The following PIK3C2G variants were observed in gnomAD, a reference collection of about 807,000 sequenced individuals.
The protein encoded by PIK3C2G is phosphatidylinositol-4-phosphate 3-kinase catalytic subunit type 2 gamma.
Under a neutral mutation model 181.1 loss-of-function variants are expected in PIK3C2G, and 168 were observed. The observed-to-expected ratio is 0.93, with a 90% CI of 0.82 to 1.05. PIK3C2G has a LOEUF of 1.05. PIK3C2G is among the 50% of genes least tolerant of loss of function. The pLI, the probability that PIK3C2G is intolerant of heterozygous loss-of-function variation, is 0.00. For synonymous variants in PIK3C2G, 573 were observed against 592.2 expected, an observed-to-expected ratio of 0.97 and a Z score of 0.47; for missense variants, 1,869 against 1,732.8, an observed-to-expected ratio of 1.08 and a Z score of -1.40.
intron 18 of PIK3C2G, among the ~76,000 whole-genome samples, chr12:18,473,333 A>G (rs1365585053): frequency 1.3e-5 from 2 of 152,184 alleles, no homozygotes; most frequent in African/African-American, 4.8e-5. Context: ...ACACTGAAAA[A>G]TAATTATCCT....
chr12:18,650,474 C>T (rs1266175098), downstream of PIK3C2G, among the ~76,000 whole-genome samples: 1 of 148,828 alleles, frequency 6.7e-6, no homozygotes, highest in South Asian at 2.1e-4. Flanking sequence ...AATGTAAACA[C>T]TTGCTAATTA....
chr12:18,712,814 C>G, the PIK3C2G span: 1 of 1,609,598 alleles, frequency 6.2e-7, no homozygotes, highest in East Asian at 2.2e-5. Context: ...GTTTAAATAG[C>G]TACAGTTGAA....
At chr12:18,593,377 G>A (rs1947188787) in intron 29 of PIK3C2G, among the ~76,000 whole-genome samples, 1 of 151,842 alleles carries the variant, frequency 6.6e-6, no homozygotes, top group African/African-American at 2.4e-5. Context: ...ATGGCAGGAA[G>A]TTTAGGAATT....
chr12:18,295,962 A>C (rs936635879), intron 5 of PIK3C2G, among the ~76,000 whole-genome samples: 4 of 152,140 alleles, frequency 2.6e-5, no homozygotes, highest in Non-Finnish European at 4.4e-5. Flanking sequence ...TACAGAGAAC[A>C]CAGGTAGCAT....
intron 12 of PIK3C2G, among the ~76,000 whole-genome samples, chr12:18,367,400 T>C (rs907859551): frequency 6.6e-6 from 1 of 152,188 alleles, no homozygotes; most frequent in Non-Finnish European, 1.5e-5. Context: ...TATTTTAATC[T>C]AAAATTTGAC....
At chr12:18,488,376 T>G in intron 18 of PIK3C2G, 73 bp from the exon 19 acceptor site, 1 of 1,005,222 alleles carries the variant, frequency 9.9e-7, no homozygotes, top group Non-Finnish European at 1.4e-6. Flanking sequence ...GAAATGCACT[T>G]ACTGTTCCGG....
intron 26 of PIK3C2G, among the ~76,000 whole-genome samples, chr12:18,562,171 CA>C (rs1323820922): frequency 6.6e-6 from 1 of 152,180 alleles, no homozygotes; most frequent in Non-Finnish European, 1.5e-5. Flanking sequence ...CTCGCTCTGT[CA>C]CCAGGCTGGA....
chr12:18,711,690 G>A, the PIK3C2G span, among the ~76,000 whole-genome samples: 1 of 151,890 alleles, frequency 6.6e-6, no homozygotes, highest in Non-Finnish European at 1.5e-5. Flanking sequence ...GGGGAAGATC[G>A]TGGCGAGAGC....
rs146581730 is a variant in PIK3C2G at position 18,582,725 on chromosome 12, G to A, written c.4012-11769G>A. On this transcript the variant is annotated intron_variant, in intron 29 of 32. Coordinates refer to ENST00000538779, the MANE Select transcript of PIK3C2G (RefSeq NM_001288772.2). ...TGAGACAGAGCTCCCAGAGGGAGGG[G>A]TGGGCTGCCATCTTTGCTGTTTTGC... Among the ~76,000 whole-genome samples the A allele has an allele frequency of 5.2e-3, 793 of 152,204 alleles. 7 individuals are homozygous for A. Among genetic ancestry groups the A allele is most frequent in the African/African-American group, 0.018 (761 of 41,550 alleles).
chr12:18,371,142 A>C (rs754034161), intron 12 of PIK3C2G, 38 bp from the exon 13 acceptor site: 20 of 1,540,768 alleles, frequency 1.3e-5, no homozygotes, highest in Non-Finnish European at 1.8e-5. Flanking sequence ...TATCAGTACA[A>C]TTGGGTAGGT....
intron 1 of PIK3C2G, among the ~76,000 whole-genome samples, chr12:18,268,825 A>G (rs897090055): frequency 3.9e-5 from 6 of 152,298 alleles, no homozygotes; most frequent in African/African-American, 1.4e-4. Flanking sequence ...GCCTTCCAAA[A>G]AATTTCTAGA....
chr12:18,338,008 C>T lies in PIK3C2G; in HGVS notation c.1273-418C>T, dbSNP rs139221217. ...GTGTATTTTGAAACTCTCCTGGGGT[C>T]GGCCATCATAACTTTTTCTTCATAG... On this transcript the variant is annotated intron_variant, in intron 8 of 32. Transcript: ENST00000538779. Among the ~76,000 whole-genome samples, 232 of 152,176 alleles carry T rather than the reference C, an allele frequency of 1.5e-3. 1 individual carries two copies. The highest frequency in any genetic ancestry group is 5.3e-3 in the African/African-American group (222 of 41,528).
intron 18 of PIK3C2G, among the ~76,000 whole-genome samples, chr12:18,431,714 G>A (rs984323044): frequency 1.3e-5 from 2 of 152,162 alleles, no homozygotes; most frequent in Admixed American, 6.5e-5. Flanking sequence ...TTACCTTTGA[G>A]AATCATTATT....
At chr12:18,725,884 T>C in the PIK3C2G span, among the ~76,000 whole-genome samples, 1 of 152,148 alleles carries the variant, frequency 6.6e-6, no homozygotes, top group Non-Finnish European at 1.5e-5. Flanking sequence ...TCTTCCTCTG[T>C]ATCTCCTCCC....
chr12:18,487,906 G>C (rs1940207023), intron 18 of PIK3C2G, among the ~76,000 whole-genome samples: 1 of 152,092 alleles, frequency 6.6e-6, no homozygotes, highest in South Asian at 2.1e-4. Context: ...GCTGGGATTT[G>C]AGTCCAGATA....
intron 15 of PIK3C2G, 127 bp from the exon 16 acceptor site, chr12:18,399,532 A>C: frequency 2.2e-6 from 1 of 465,102 alleles, no homozygotes; most frequent in East Asian, 3.1e-5. Context: ...AAGGTAAAAG[A>C]TGTTTTTGAA....
At chr12:18,423,187 T>C (rs1945590002) in intron 17 of PIK3C2G, among the ~76,000 whole-genome samples, 1 of 151,646 alleles carries the variant, frequency 6.6e-6, no homozygotes, top group Non-Finnish European at 1.5e-5. Context: ...GAGACTTAAA[T>C]GGTTTATCAA....
At chr12:18,383,937 G>A (rs1943000341) in intron 14 of PIK3C2G, among the ~76,000 whole-genome samples, 1 of 151,218 alleles carries the variant, frequency 6.6e-6, no homozygotes, top group Non-Finnish European at 1.5e-5. Flanking sequence ...CCAAGTAGCT[G>A]GAACCACAAG....
At chr12:18,320,404 G>T (rs1951057123) in intron 6 of PIK3C2G, among the ~76,000 whole-genome samples, 1 of 152,210 alleles carries the variant, frequency 6.6e-6, no homozygotes, top group African/African-American at 2.4e-5. Context: ...TCATGCTTAT[G>T]TAGGAAGAAA....
Sources: gnomAD v4.1 joint callset for allele counts (sites outside exome capture counted in the v4.1 genomes callset) on GRCh38, gnomAD v4.1.1 for gene constraint, MANE v1.5 for transcripts, NCBI Gene and HGNC (gene_info 2026-07-23, HGNC 2026-07-21) for gene names.